Variants in ZNF827 observed in about 807,000 individuals in gnomAD.
ZNF827 encodes zinc finger protein 827.
ZNF827 carries 13 observed loss-of-function variants against 102.4 expected under a neutral mutation model. That is an observed-to-expected ratio of 0.13 (90% confidence interval 0.08 to 0.20). ZNF827 has a LOEUF of 0.20. Ranked by LOEUF, ZNF827 falls within the 10% of genes least tolerant of loss-of-function variation. The pLI, the probability that ZNF827 is intolerant of heterozygous loss-of-function variation, is 1.00. For synonymous variants in ZNF827, 523 were observed against 536.2 expected (o/e 0.98, Z 0.34); for missense variants, 1,103 against 1,344.4 (o/e 0.82, Z 2.81).
intron 4 of ZNF827, among the ~76,000 whole-genome samples, chr4:145,882,709 A>T (rs1020859365): frequency 6.6e-6 from 1 of 152,184 alleles, no homozygotes; most frequent in African/African-American, 2.4e-5. Flanking sequence ...TGCACGCTTG[A>T]ATTTGTCACT....
At chr4:145,766,309 T>C (rs1413760497) in intron 11 of ZNF827, among the ~76,000 whole-genome samples, 2 of 152,210 alleles carry the variant, frequency 1.3e-5, no homozygotes, top group African/African-American at 2.4e-5. Context: ...CTTCTGCTTC[T>C]ACTCAAGAGA....
chr4:145,856,244 C>T (rs544135385), intron 5 of ZNF827, among the ~76,000 whole-genome samples: 1 of 152,316 alleles, frequency 6.6e-6, no homozygotes, highest in Admixed American at 6.5e-5. Context: ...GATCTGTCCT[C>T]TCGGTCCCCC....
intron 5 of ZNF827, 46 bp downstream of exon 5, chr4:145,870,199 C>A (rs757988372): frequency 6.3e-6 from 10 of 1,587,744 alleles, no homozygotes; most frequent in Non-Finnish European, 8.6e-6. Flanking sequence ...AGTTGGCCTG[C>A]AAGTGAAACT....
chr4:145,889,663 T>C (rs1327962019), intron 3 of ZNF827, among the ~76,000 whole-genome samples: 1 of 151,558 alleles, frequency 6.6e-6, no homozygotes, highest in East Asian at 1.9e-4. Flanking sequence ...ACCCCACTTC[T>C]TAGGCAGAAT....
intron 8 of ZNF827, among the ~76,000 whole-genome samples, chr4:145,816,501 T>C (rs1346340505): frequency 6.6e-6 from 1 of 152,236 alleles, no homozygotes; most frequent in African/African-American, 2.4e-5. Flanking sequence ...AATTAGTTAA[T>C]TACTGAGAAG....
intron 1 of ZNF827, among the ~76,000 whole-genome samples, chr4:145,918,736 C>A (rs1752864563): frequency 6.6e-6 from 1 of 152,164 alleles, no homozygotes; most frequent in African/African-American, 2.4e-5. Context: ...CCAGCACACA[C>A]CCAGCCTGCA....
chr4:145,908,527 A>G (rs1406145669), intron 1 of ZNF827, among the ~76,000 whole-genome samples: 1 of 152,232 alleles, frequency 6.6e-6, no homozygotes, highest in Non-Finnish European at 1.5e-5. Flanking sequence ...CTAAATATCT[A>G]ATGCCTTTTA....
intron 1 of ZNF827, among the ~76,000 whole-genome samples, chr4:145,905,030 T>A (rs961260438): frequency 6.6e-6 from 1 of 152,236 alleles, no homozygotes; most frequent in African/African-American, 2.4e-5. Flanking sequence ...ATTAGGTGCA[T>A]ATTTTTATTG....
rs1734855538 is a variant in ZNF827 at position 145,763,683 on chromosome 4, C to G, written c.3231-561G>C. ...AGGGCAGTGAGCACTGGTCCAACCA[C>G]AGAAAAACATGGTTCTGGTGTTTCT... On this transcript the variant is annotated intron_variant, in intron 13 of 14. Coordinates refer to ENST00000508784, the MANE Select transcript of ZNF827 (RefSeq NM_001306215.2). This position sits in a 1 kb window ranked among gnomAD's most constrained non-coding sequence, Gnocchi z 4.6. Among the ~76,000 whole-genome samples the G allele has an allele frequency of 6.6e-6, 1 of 152,196 alleles. No individual in the cohort carries two copies. Among genetic ancestry groups the G allele is most frequent in the Non-Finnish European group, 1.5e-5 (1 of 68,038 alleles).
At chr4:145,827,156 C>G (rs183470989) in intron 7 of ZNF827, among the ~76,000 whole-genome samples, 1 of 152,066 alleles carries the variant, frequency 6.6e-6, no homozygotes, top group Non-Finnish European at 1.5e-5. Context: ...AGGTAGTTGC[C>G]CATGCCCATG....
intron 7 of ZNF827, 58 bp downstream of exon 7, chr4:145,845,898 A>AGTACGG: frequency 6.4e-7 from 1 of 1,563,740 alleles, no homozygotes; most frequent in South Asian, 1.1e-5. Flanking sequence ...TTCAACATGT[A>AGTACGG]GTACGGGCTG....
rs1560875078 is a variant in ZNF827 at position 145,758,556 on chromosome 4, T to C, written c.*3060A>G. 1 of 152,004 alleles carries C rather than the reference T, an allele frequency of 6.6e-6. No individual in the cohort carries two copies. Among genetic ancestry groups the C allele is most frequent in the Non-Finnish European group, 1.5e-5 (1 of 68,086 alleles). The allele number at this position is 152,004 out of a possible 1,614,324, so 9.4% of individuals were successfully genotyped here. On this transcript the variant is annotated 3_prime_UTR_variant, in exon 15 of 15. Coordinates refer to ENST00000508784, the MANE Select transcript of ZNF827 (RefSeq NM_001306215.2). The stretch of plus-strand genomic sequence containing the variant: ...ATTAGCCAAGTGGCACATTCTCCAT[T>C]ATATGGGGATAAAGACATGACTTGA...
At chr4:145,851,454 G>A (rs940367337) in intron 5 of ZNF827, among the ~76,000 whole-genome samples, 6 of 152,102 alleles carry the variant, frequency 3.9e-5, no homozygotes, top group African/African-American at 1.4e-4. Flanking sequence ...GCTTTCCCTG[G>A]AAAGCATGAC....
At position 145,760,979 on chromosome 4, in the gene ZNF827, T is replaced by G; in HGVS notation, c.*637A>C. ...TTGTCAAAGCGCAAAGGGGAGCCGT[T>G]GAAGGCCAAAGCCTTGAGTGCCAGG... On this transcript the variant is annotated 3_prime_UTR_variant, in exon 15 of 15. Transcript: ENST00000508784. 8.0e-7 allele frequency: 1 copy of G among 1,248,144 alleles called. No homozygotes were observed. The highest frequency in any genetic ancestry group is 5.7e-5 in the East Asian group (1 of 17,502). The allele number at this position is 1,248,144 out of a possible 1,614,324, so 77.3% of individuals were successfully genotyped here.
intron 4 of ZNF827, 81 bp from the exon 5 acceptor site, chr4:145,870,559 GA>G: frequency 8.0e-7 from 1 of 1,244,150 alleles, no homozygotes; most frequent in Non-Finnish European, 1.1e-6. Context: ...ACGAAGTATG[GA>G]ATGCACAATC....
At position 145,938,425 on chromosome 4, in the gene ZNF827, A is replaced by C; in HGVS notation, c.-18T>G. 6.3e-7 allele frequency: 1 copy of C among 1,592,342 alleles called. No individual in the cohort carries two copies. The highest frequency in any genetic ancestry group is 8.6e-7 in the Non-Finnish European group (1 of 1,168,288). On this transcript the variant is annotated 5_prime_UTR_variant, in exon 1 of 15. An upstream start codon of the reference 5' UTR is lost. Transcript: ENST00000508784. ...CTGGGCATTTTCCCCCTTTTCTCAC[A>C]TTCTCCTCCTTGGTTAATGTGAGAT...
intron 2 of ZNF827, among the ~76,000 whole-genome samples, chr4:145,896,449 T>C (rs1750981357): frequency 6.6e-6 from 1 of 152,128 alleles, no homozygotes; most frequent in African/African-American, 2.4e-5. Context: ...GAGGGAGGAA[T>C]TGGCTGCAAC....
intron 8 of ZNF827, among the ~76,000 whole-genome samples, chr4:145,823,056 ACT>A (rs1743308005): frequency 6.6e-6 from 1 of 152,116 alleles, no homozygotes; most frequent in South Asian, 2.1e-4. Flanking sequence ...CCTACTGGGG[ACT>A]AGCACTCTTC....
chr4:145,832,861 AC>A (rs1428481483), intron 7 of ZNF827: 2 of 151,980 alleles, frequency 1.3e-5, no homozygotes, highest in Non-Finnish European at 2.9e-5. Flanking sequence ...ATTTTCCTTT[AC>A]CTACCCAAAT....
Sources: gnomAD v4.1 joint callset for allele counts (sites outside exome capture counted in the v4.1 genomes callset) on GRCh38, gnomAD v4.1.1 for gene constraint, Gnocchi (gnomAD v3.1) non-coding constraint, MANE v1.5 for transcripts, NCBI Gene and HGNC (gene_info 2026-07-23, HGNC 2026-07-21) for gene names.